Variants in SLC24A1 observed in about 807,000 individuals in gnomAD.
SLC24A1 encodes the protein solute carrier family 24 member 1.
Under a neutral mutation model 88.1 loss-of-function variants are expected in SLC24A1, and 52 were observed. The observed-to-expected ratio is 0.59, with a 90% CI of 0.47 to 0.74. The LOEUF is 0.74. SLC24A1 is among the 30% of genes least tolerant of loss of function. The probability of loss-of-function intolerance (pLI) is 0.00; values close to 1 mark genes in which losing one functional copy is unlikely to be tolerated. For synonymous variants in SLC24A1, 455 were observed against 498.0 expected (o/e 0.91, Z 1.15); for missense variants, 1,173 against 1,363.3 (o/e 0.86, Z 2.20).
Position 65,639,651 on chromosome 15 carries a change from C to T in SLC24A1, c.2001C>T (p.Ile667=). 6 of 1,613,248 alleles carry T rather than the reference C, an allele frequency of 3.7e-6. No individual in the cohort carries two copies. Among genetic ancestry groups the T allele is most frequent in the Non-Finnish European group, 5.1e-6 (6 of 1,179,626 alleles). The part of the protein sequence containing the change: ...SSSTSLHNST[I]RSTIYQLMLH... Reference sequence around the variant, plus strand: ...CGACCTCTCTGCACAACAGCACCATCCGCAGCACCATCTACCAGCTCATGC... The same window carrying T: ...CGACCTCTCTGCACAACAGCACCATTCGCAGCACCATCTACCAGCTCATGC... Residue 667 remains isoleucine (I), a synonymous_variant, in exon 4 of 10, where the codon ATC becomes ATT. Coordinates refer to ENST00000261892, the MANE Select transcript of SLC24A1 (RefSeq NM_004727.3).
rs2075641688 is a variant in SLC24A1, at chr15:65,655,238, G to A, written c.*1159G>A. 4 of 985,286 alleles carry A rather than the reference G, an allele frequency of 4.1e-6. No homozygotes were observed. The highest frequency in any genetic ancestry group is 6.1e-5 in the Admixed American group (1 of 16,278). 61.0% of individuals were successfully genotyped at this position (985,286 alleles called of 1,614,324 possible). On this transcript the variant is annotated 3_prime_UTR_variant, in exon 10 of 10. Coordinates refer to ENST00000261892, the MANE Select transcript of SLC24A1 (RefSeq NM_004727.3). ...TTCTAAAGAGTCCAAAGTCAGTAGC[G>A]CCACATCTGGTTTATAAAGTAAGAG... is the stretch of plus-strand genomic sequence containing the variant.
At chr15:65,640,946 A>G (rs1210864392) in intron 4 of SLC24A1, among the ~76,000 whole-genome samples, 1 of 152,180 alleles carries the variant, frequency 6.6e-6, no homozygotes, top group East Asian at 1.9e-4. Context: ...CTGTAATCCC[A>G]GCTACTTGGG....
intron 2 of SLC24A1, among the ~76,000 whole-genome samples, chr15:65,637,513 G>C (rs577128811): frequency 1.3e-5 from 2 of 152,322 alleles, no homozygotes; most frequent in South Asian, 2.1e-4. Context: ...AAGGGAACAA[G>C]ACTTAGAATA....
In SLC24A1 at chr15:65,655,320, A is replaced by C. The variant is rs2075644585; in HGVS notation, c.*1241A>C. Reference sequence around the variant, plus strand: ...AACCTAGATAGGATTATAAAGCAAGACTGATTTCTTCTGTGGTTTATGAAT... The same window carrying C: ...AACCTAGATAGGATTATAAAGCAAGCCTGATTTCTTCTGTGGTTTATGAAT... On this transcript the variant is annotated 3_prime_UTR_variant, in exon 10 of 10. Transcript: ENST00000261892. 1 of 985,202 alleles carries C rather than the reference A, an allele frequency of 1.0e-6. No individual in the cohort carries two copies. The highest frequency in any genetic ancestry group is 1.7e-5 in the African/African-American group (1 of 57,222). 61.0% of individuals were successfully genotyped at this position (985,202 alleles called of 1,614,324 possible). A position where few individuals can be genotyped will look rare whatever the true frequency, so the allele number is the denominator to read the frequency against.
At chr15:65,630,855 C>A (rs2074698529) in intron 2 of SLC24A1, among the ~76,000 whole-genome samples, 1 of 152,110 alleles carries the variant, frequency 6.6e-6, no homozygotes, top group Admixed American at 6.6e-5. Flanking sequence ...TCTGTAATTG[C>A]AGTTTCTCGG....
chr15:65,645,771 C>T (rs2075282924), intron 6 of SLC24A1, 68 bp downstream of exon 6: 2 of 1,037,204 alleles, frequency 1.9e-6, no homozygotes, highest in Non-Finnish European at 2.9e-6. Flanking sequence ...ACCAAAAATA[C>T]ATCCTCCCTG....
At chr15:65,632,585 A>G (rs75345216) in intron 2 of SLC24A1, among the ~76,000 whole-genome samples, 1,700 of 152,336 alleles carry the variant, frequency 0.011, 12 homozygotes, top group Non-Finnish European at 0.018. Flanking sequence ...AATTAAAATC[A>G]AGAACTGGCT....
At chr15:65,631,636 G>T (rs60400895) in intron 2 of SLC24A1, among the ~76,000 whole-genome samples, 9,515 of 152,212 alleles carry the variant, frequency 0.063, 318 homozygotes, top group African/African-American at 0.091. Flanking sequence ...AAGAATAAAG[G>T]CCAGTGTGGT....
At chr15:65,612,919 A>G (rs1173960532) in intron 2 of SLC24A1, among the ~76,000 whole-genome samples, 1 of 152,218 alleles carries the variant, frequency 6.6e-6, no homozygotes, top group Non-Finnish European at 1.5e-5. Context: ...AATTGATGAT[A>G]AAAGGCACAG....
Position 65,625,422 on chromosome 15 carries a change from G to C in SLC24A1, c.1342G>C (p.Glu448Gln). ...GTACCCCCCAGATCTGTTCAGTGTG[G>C]AGGAGCGGCGGCAGGGCTGGGTGGT... Reference protein sequence around the residue: ...GEYPPDLFSVEERRQGWVVLH... With the variant: ...GEYPPDLFSVQERRQGWVVLH... Residue 448 changes from glutamate to glutamine, a missense_variant, in exon 2 of 10, where the codon GAG becomes CAG. Coordinates refer to ENST00000261892, the MANE Select transcript of SLC24A1 (RefSeq NM_004727.3). 1 of 1,614,066 alleles carries C rather than the reference G, an allele frequency of 6.2e-7. No individual in the cohort carries two copies. The highest frequency in any genetic ancestry group is 8.5e-7 in the Non-Finnish European group (1 of 1,179,908).
rs769470703 is a variant in SLC24A1, at chr15:65,625,667, G to C, written c.1587G>C (p.Val529=). The change falls in exon 2 of 10, where the codon GTG becomes GTC. Residue 529 remains valine, a synonymous_variant. Coordinates refer to ENST00000261892, the MANE Select transcript of SLC24A1 (RefSeq NM_004727.3). The part of the protein sequence containing the change: ...SHSNVGIGTI[V]GSAVFNILFV... Reference sequence around the variant, plus strand: ...GCAACGTGGGCATTGGTACCATTGTGGGCTCTGCTGTGTTCAACATTCTCT... The same window carrying C: ...GCAACGTGGGCATTGGTACCATTGTCGGCTCTGCTGTGTTCAACATTCTCT... 3 of 1,613,990 alleles carry C rather than the reference G, an allele frequency of 1.9e-6. No homozygotes were observed. In the Admixed American group the frequency reaches 5.0e-5, roughly 27 times the overall value.
chr15:65,628,898 C>G (rs1566951114), intron 2 of SLC24A1, among the ~76,000 whole-genome samples: 1 of 152,202 alleles, frequency 6.6e-6, no homozygotes, highest in Non-Finnish European at 1.5e-5. Flanking sequence ...GCTTTTCAAA[C>G]AGGACTTAGG....
At chr15:65,652,558 G>C in intron 8 of SLC24A1, 84 bp from the exon 9 acceptor site, 5 of 1,313,852 alleles carry the variant, frequency 3.8e-6, no homozygotes, top group Non-Finnish European at 5.3e-6. Context: ...TTAGAAGGCA[G>C]TCTGTTTGCA....
rs768858142 is a variant in SLC24A1 at position 65,650,781 on chromosome 15, CAGGAGGAAGAGG to C, written c.2640_2651del (p.Glu887_Glu890del). The C allele has an allele frequency of 6.2e-7, 1 of 1,608,322 alleles. No homozygotes were observed. The highest frequency in any genetic ancestry group is 2.2e-5 in the East Asian group (1 of 44,704). ...GGAGGAAGAGGAGGAGGAGGAAGAG[CAGGAGGAAGAGG>C]AGGAGGAGGAGGAGGAAGAGGAGGA... On this transcript the variant is annotated inframe_deletion, in exon 7 of 10. Transcript: ENST00000261892. This position sits in a 1 kb window ranked among gnomAD's most constrained non-coding sequence, Gnocchi z 4.1.
chr15:65,636,601 C>T (rs1336375027), intron 2 of SLC24A1, among the ~76,000 whole-genome samples: 2 of 151,770 alleles, frequency 1.3e-5, no homozygotes, highest in Non-Finnish European at 2.9e-5. Flanking sequence ...TAAGGCTGAG[C>T]GCAGTGGCTC....
chr15:65,612,029 C>G (rs1485633750), intron 1 of SLC24A1: 1 of 152,314 alleles, frequency 6.6e-6, no homozygotes, highest in Non-Finnish European at 1.5e-5. Context: ...GCAGAGGGCC[C>G]TCGTTCCTCT....
chr15:65,638,791 G>A (rs1226645406), intron 3 of SLC24A1, among the ~76,000 whole-genome samples: 1 of 152,144 alleles, frequency 6.6e-6, no homozygotes, highest in Non-Finnish European at 1.5e-5. Flanking sequence ...TGGCAGAAGA[G>A]TTCAGATCAG....
Position 65,625,884 on chromosome 15 carries a change from T to C in SLC24A1, c.1804T>C (p.Trp602Arg), listed in dbSNP as rs1318556877. The change falls in exon 2 of 10, where the codon TGG (tryptophan) becomes CGG (arginine). Residue 602 changes from tryptophan to arginine, a missense_variant. By Grantham distance (101) the Trp-to-Arg change is moderately radical (BLOSUM62 -3). Transcript: ENST00000261892. ...AYAFYVFTMK[W>R]NKHIEVWVKE... ...TGCCTTCTATGTGTTCACCATGAAGTGGAACAAGCATATCGAGGTCTGGGT... is the reference window on the plus strand; with the variant it reads ...TGCCTTCTATGTGTTCACCATGAAGCGGAACAAGCATATCGAGGTCTGGGT... The C allele has an allele frequency of 5.6e-6, 9 of 1,613,828 alleles. No homozygotes were observed. The highest frequency in any genetic ancestry group is 7.6e-6 in the Non-Finnish European group (9 of 1,179,876).
intron 2 of SLC24A1, among the ~76,000 whole-genome samples, chr15:65,635,407 G>A (rs1021602609): frequency 1.1e-4 from 14 of 131,860 alleles, no homozygotes; most frequent in Non-Finnish European, 2.1e-4. Flanking sequence ...TTGAACCCGG[G>A]AGGCACTCCA....
Sources: gnomAD v4.1 joint callset for allele counts (sites outside exome capture counted in the v4.1 genomes callset) on GRCh38, gnomAD v4.1.1 for gene constraint, Gnocchi (gnomAD v3.1) non-coding constraint, MANE v1.5 for transcripts, NCBI Gene and HGNC (gene_info 2026-07-23, HGNC 2026-07-21) for gene names.